Variants in PACSIN2 observed in about 807,000 individuals in gnomAD.
PACSIN2 encodes the protein protein kinase C and casein kinase substrate in neurons 2.
Under a neutral mutation model 63.8 loss-of-function variants are expected in PACSIN2, and 25 were observed. The observed-to-expected ratio is 0.39, with a 90% confidence interval of 0.29 to 0.55. The LOEUF is 0.55. Ranked by LOEUF, PACSIN2 falls within the 20% of genes least tolerant of loss-of-function variation. The pLI, the probability that PACSIN2 is intolerant of heterozygous loss-of-function variation, is 0.62. For missense variants in PACSIN2, 518 were observed against 646.9 expected, an observed-to-expected ratio of 0.80 and a Z score of 2.16; for synonymous variants, 255 against 256.2, an observed-to-expected ratio of 1.00 and a Z score of 0.05.
chr22:42,983,529 T>G (rs1019180780), intron 1 of PACSIN2, among the ~76,000 whole-genome samples: 1 of 144,274 alleles, frequency 6.9e-6, no homozygotes, highest in African/African-American at 2.6e-5. Flanking sequence ...AGGCAATAAA[T>G]TATTGGTGTG....
chr22:42,934,400 C>G (rs1046479607), intron 1 of PACSIN2, among the ~76,000 whole-genome samples: 5 of 152,096 alleles, frequency 3.3e-5, no homozygotes, highest in Admixed American at 6.6e-5. Flanking sequence ...CTTCTGTGTA[C>G]TCCCCCTCCT....
chr22:42,905,739 A>G (rs1382444477), intron 2 of PACSIN2, among the ~76,000 whole-genome samples: 2 of 152,252 alleles, frequency 1.3e-5, no homozygotes, highest in Non-Finnish European at 2.9e-5. Context: ...TGCAGCAGCC[A>G]GCCAAAATAA....
At chr22:43,004,612 G>C (rs1441304352) in intron 1 of PACSIN2, among the ~76,000 whole-genome samples, 1 of 152,158 alleles carries the variant, frequency 6.6e-6, no homozygotes, top group African/African-American at 2.4e-5. Context: ...TGGCACGCTC[G>C]GTTGGCGACA....
At chr22:42,892,341 A>T (rs1929972884) in intron 3 of PACSIN2, among the ~76,000 whole-genome samples, 1 of 152,016 alleles carries the variant, frequency 6.6e-6, no homozygotes, top group Non-Finnish European at 1.5e-5. Flanking sequence ...GGCTGTGAGA[A>T]CCCAGAGGGG....
intron 1 of PACSIN2, among the ~76,000 whole-genome samples, chr22:42,949,453 C>T (rs577740654): frequency 6.8e-6 from 1 of 147,410 alleles, no homozygotes; most frequent in African/African-American, 2.7e-5. Context: ...GCCTCATACA[C>T]ACACGCGCGC....
At chr22:42,954,194 C>T (rs1007548786) in intron 1 of PACSIN2, among the ~76,000 whole-genome samples, 6 of 152,070 alleles carry the variant, frequency 3.9e-5, no homozygotes, top group African/African-American at 1.4e-4. Context: ...ACCTGGGAGG[C>T]GGAGGTTGCA....
chr22:42,964,188 T>C (rs1309061770), intron 1 of PACSIN2, among the ~76,000 whole-genome samples: 1 of 152,060 alleles, frequency 6.6e-6, no homozygotes, highest in Non-Finnish European at 1.5e-5. Flanking sequence ...GGGGCCAAGG[T>C]GCGCAGATCA....
chr22:42,880,137 TGA>T (rs1272373338), intron 7 of PACSIN2, among the ~76,000 whole-genome samples: 1 of 152,188 alleles, frequency 6.6e-6, no homozygotes, highest in Admixed American at 6.5e-5. Context: ...TTGGTGTGGC[TGA>T]GTCCACGGCT....
chr22:42,983,133 ATGG>A (rs1922340623), intron 1 of PACSIN2, among the ~76,000 whole-genome samples: 1 of 151,868 alleles, frequency 6.6e-6, no homozygotes. Context: ...CCTGGCCAAC[ATGG>A]TAAAACCCCG....
At chr22:43,008,953 A>G (rs1361208443) in intron 1 of PACSIN2, among the ~76,000 whole-genome samples, 2 of 152,238 alleles carry the variant, frequency 1.3e-5, no homozygotes, top group East Asian at 1.9e-4. Context: ...AACTGTCCCT[A>G]TGAAAAATGT....
intron 2 of PACSIN2, among the ~76,000 whole-genome samples, chr22:42,904,528 C>G (rs1930929309): frequency 6.6e-6 from 1 of 152,174 alleles, no homozygotes; most frequent in Non-Finnish European, 1.5e-5. Flanking sequence ...AGGCTTTTGG[C>G]AGAATTCCCA....
chr22:42,993,820 G>A (rs559375758), intron 1 of PACSIN2: 1 of 152,164 alleles, frequency 6.6e-6, no homozygotes, highest in Admixed American at 6.6e-5. Context: ...TGCGCTGTGG[G>A]ACCCAGACAT....
chr22:42,899,428 C>T (rs1227817086), intron 2 of PACSIN2, among the ~76,000 whole-genome samples: 1 of 152,128 alleles, frequency 6.6e-6, no homozygotes, highest in Non-Finnish European at 1.5e-5. Context: ...GCTGGGATGA[C>T]AGCAGGCAGA....
rs1349817703 is a variant in PACSIN2, at chr22:42,879,177, A to G, written c.907-8T>C. The G allele has an allele frequency of 5.6e-6, 9 of 1,611,580 alleles. No individual in the cohort carries two copies. In the East Asian group the frequency reaches 1.8e-4, roughly 32 times the overall value. On this transcript the variant is annotated splice_region_variant and splice_polypyrimidine_tract_variant and intron_variant, in intron 7 of 10. Transcript: ENST00000263246. ...CAGGTCTGCGGACCACTCCTAGGCA[A>G]CAGGTGCCGAGGGAGAGAAACCAAA... is the stretch of plus-strand genomic sequence containing the variant.
At chr22:42,894,146 A>G (rs1028610545) in intron 2 of PACSIN2, among the ~76,000 whole-genome samples, 3 of 152,218 alleles carry the variant, frequency 2.0e-5, no homozygotes, top group African/African-American at 7.2e-5. Context: ...CCTAGTAGGA[A>G]TAAGTGTCCC....
chr22:42,885,398 T>G (rs544522437), intron 5 of PACSIN2, among the ~76,000 whole-genome samples: 66 of 152,134 alleles, frequency 4.3e-4, no homozygotes, highest in East Asian at 7.8e-4. Context: ...GGGTGAGAGA[T>G]AGCAGGGCTG....
intron 2 of PACSIN2, among the ~76,000 whole-genome samples, chr22:42,909,175 G>T (rs1283478430): frequency 1.3e-5 from 2 of 152,026 alleles, no homozygotes; most frequent in Non-Finnish European, 2.9e-5. Flanking sequence ...CTTCCCCCTG[G>T]GCAAACCTAG....
chr22:42,872,708 G>A (rs1296973083), intron 10 of PACSIN2, among the ~76,000 whole-genome samples: 2 of 152,168 alleles, frequency 1.3e-5, no homozygotes, highest in Non-Finnish European at 2.9e-5. Flanking sequence ...CTGTGGACTG[G>A]GGGTACTGTG....
At chr22:42,996,983 C>A (rs1923448626) in intron 1 of PACSIN2, among the ~76,000 whole-genome samples, 1 of 152,194 alleles carries the variant, frequency 6.6e-6, no homozygotes, top group South Asian at 2.1e-4. Context: ...AAAAATAATT[C>A]TGATAACGAT....
Sources: allele counts gnomAD v4.1 joint callset (sites outside exome capture counted in the v4.1 genomes callset), GRCh38; gene constraint gnomAD v4.1.1; transcripts MANE v1.5; gene names NCBI Gene and HGNC (gene_info 2026-07-23, HGNC 2026-07-21).